The following CTNND2 variants were observed in gnomAD, a reference collection of about 807,000 sequenced individuals.
CTNND2 encodes the protein catenin delta-2.
Under a neutral mutation model 144.4 loss-of-function variants are expected in CTNND2, and 22 were observed. The ratio of observed to expected loss-of-function variants is 0.15; its 90% confidence interval spans 0.11 to 0.22. The LOEUF is 0.22. Ranked by LOEUF, CTNND2 falls within the 10% of genes least tolerant of loss-of-function variation. CTNND2 has a pLI of 1.00. For missense variants in CTNND2, 1,353 were observed against 1,618.8 expected (o/e 0.84, Z 2.82); for synonymous variants, 751 against 695.6 (o/e 1.08, Z -1.25).
intron 1 of CTNND2, among the ~76,000 whole-genome samples, chr5:11,750,499 T>G (rs1788550994): frequency 6.6e-6 from 1 of 151,908 alleles, no homozygotes; most frequent in Non-Finnish European, 1.5e-5. Flanking sequence ...ACTAATACAC[T>G]GTCCAGAGTG....
Position 11,801,502 on chromosome 5 carries a change from A to G in CTNND2, c.38-69230T>C, listed in dbSNP as rs148154731. On this transcript the variant is annotated intron_variant, in intron 1 of 21. Coordinates refer to ENST00000304623, the MANE Select transcript of CTNND2 (RefSeq NM_001332.4). ...CAACACTGGTTTCTTCTTACCTATG[A>G]TAATCCAACTATTATAGTTTCCATT... Among the ~76,000 whole-genome samples the G allele has an allele frequency of 1.0e-3, 155 of 152,326 alleles. 1 individual carries two copies. In the East Asian group the frequency reaches 0.028, roughly 28 times the overall value.
intron 2 of CTNND2, among the ~76,000 whole-genome samples, chr5:11,706,423 G>C (rs1012689914): frequency 2.0e-5 from 3 of 152,190 alleles, no homozygotes; most frequent in African/African-American, 7.2e-5. Context: ...TTTTTTGAAA[G>C]TCAAGTTTAT....
At chr5:11,423,140 T>C (rs1332706561) in intron 3 of CTNND2, among the ~76,000 whole-genome samples, 5 of 152,266 alleles carry the variant, frequency 3.3e-5, no homozygotes, top group African/African-American at 7.2e-5. Context: ...TGTTCACCAG[T>C]TGACCGATAG....
chr5:11,550,627 G>A (rs1019153577), intron 3 of CTNND2, among the ~76,000 whole-genome samples: 1 of 152,206 alleles, frequency 6.6e-6, no homozygotes, highest in African/African-American at 2.4e-5. Flanking sequence ...ACAAACAGAT[G>A]TGTGAGAAGA....
intron 16 of CTNND2, among the ~76,000 whole-genome samples, chr5:11,023,605 C>G (rs1178092305): frequency 6.6e-6 from 1 of 152,132 alleles, no homozygotes; most frequent in African/African-American, 2.4e-5. Context: ...ACTATGTGTC[C>G]TCTGAACTAT....
intron 18 of CTNND2, among the ~76,000 whole-genome samples, chr5:10,996,521 G>A (rs568716628): frequency 3.9e-5 from 6 of 152,182 alleles, no homozygotes; most frequent in Admixed American, 3.3e-4. Flanking sequence ...GAGGGGGCTC[G>A]GGGGGCTGTG....
chr5:11,554,467 A>G (rs922390982), intron 3 of CTNND2, among the ~76,000 whole-genome samples: 3 of 152,166 alleles, frequency 2.0e-5, no homozygotes, highest in Non-Finnish European at 4.4e-5. Flanking sequence ...AGATTCGGAA[A>G]TCAATGTCTA....
intron 3 of CTNND2, among the ~76,000 whole-genome samples, chr5:11,457,730 T>C (rs1765857879): frequency 6.6e-6 from 1 of 152,196 alleles, no homozygotes; most frequent in South Asian, 2.1e-4. Context: ...TTGTGTAGGA[T>C]CCAGCAGAGC....
intron 2 of CTNND2, among the ~76,000 whole-genome samples, chr5:11,634,207 G>A (rs77680518): frequency 1.3e-5 from 2 of 152,102 alleles, no homozygotes; most frequent in Admixed American, 6.5e-5. Context: ...TCTTTGTCTG[G>A]TTGTACATAA....
chr5:11,541,722 C>G (rs891153576), intron 3 of CTNND2, among the ~76,000 whole-genome samples: 2 of 152,058 alleles, frequency 1.3e-5, no homozygotes, highest in African/African-American at 4.8e-5. Flanking sequence ...CCACAATAAG[C>G]CTTTCTCAGA....
At chr5:11,228,353 CAAA>C (rs564048343) in intron 10 of CTNND2, among the ~76,000 whole-genome samples, 2 of 26,734 alleles carry the variant, frequency 7.5e-5, no homozygotes, top group African/African-American at 2.2e-4. Context: ...CTCTCTCTCT[CAAA>C]AAAAAAAAAA....
At chr5:11,121,000 A>C (rs1451800299) in intron 12 of CTNND2, among the ~76,000 whole-genome samples, 2 of 152,118 alleles carry the variant, frequency 1.3e-5, no homozygotes, top group Admixed American at 1.3e-4. Context: ...CACAAGTTCT[A>C]CTCTTTCAAC....
intron 16 of CTNND2, among the ~76,000 whole-genome samples, chr5:11,078,131 T>C (rs61750278): frequency 0.012 from 1,851 of 152,264 alleles, 38 homozygotes; most frequent in African/African-American, 0.043. Context: ...TGAAACCATA[T>C]GATGTCACCC....
chr5:10,973,126 A>G lies in CTNND2; in HGVS notation c.*327T>C, dbSNP rs577932934. The stretch of plus-strand genomic sequence containing the variant: ...TGTCTTGTGCTTAACGATAACCCTT[A>G]CGCCCCACCGGCCCGAATGCCTCGT... On this transcript the variant is annotated 3_prime_UTR_variant, in exon 22 of 22. Coordinates refer to ENST00000304623, the MANE Select transcript of CTNND2 (RefSeq NM_001332.4). The surrounding 1 kb of genome is among the most constrained non-coding windows in gnomAD (Gnocchi z 5.6). 1.8e-5 allele frequency: 4 copies of G among 224,176 alleles called. No individual in the cohort carries two copies. The South Asian group carries it at 5.2e-4, about 29-fold the overall frequency. The allele number at this position is 224,176 out of a possible 1,614,324, so 13.9% of individuals were successfully genotyped here.
At chr5:11,334,840 T>C (rs1291622875) in intron 9 of CTNND2, among the ~76,000 whole-genome samples, 1 of 152,194 alleles carries the variant, frequency 6.6e-6, no homozygotes, top group Non-Finnish European at 1.5e-5. Flanking sequence ...CCCTCCGGTA[T>C]GGAATTTTAA....
intron 9 of CTNND2, among the ~76,000 whole-genome samples, chr5:11,250,479 C>CTATA (rs1184987967): frequency 1.3e-4 from 8 of 63,626 alleles, no homozygotes; most frequent in African/African-American, 4.7e-4. Context: ...CTCTCTCTCT[C>CTATA]TCTCTCTCTC....
chr5:11,039,702 G>A (rs149763266), intron 16 of CTNND2, among the ~76,000 whole-genome samples: 2 of 152,124 alleles, frequency 1.3e-5, no homozygotes, highest in Non-Finnish European at 2.9e-5. Flanking sequence ...ATGGGCAGAG[G>A]ATAAGACAAA....
At chr5:11,387,837 TAA>T (rs1420908978) in intron 6 of CTNND2, among the ~76,000 whole-genome samples, 1 of 152,238 alleles carries the variant, frequency 6.6e-6, no homozygotes, top group African/African-American at 2.4e-5. Context: ...ATGAGAATAT[TAA>T]GTCGGTATTC....
intron 3 of CTNND2, among the ~76,000 whole-genome samples, chr5:11,504,620 A>G (rs1770842901): frequency 6.6e-6 from 1 of 152,262 alleles, no homozygotes; most frequent in Admixed American, 6.5e-5. Flanking sequence ...TTGGGCATGG[A>G]AAAGTCTTCC....
Sources: allele counts gnomAD v4.1 joint callset (sites outside exome capture counted in the v4.1 genomes callset), GRCh38; gene constraint gnomAD v4.1.1; non-coding constraint Gnocchi (gnomAD v3.1); transcripts MANE v1.5; gene names NCBI Gene and HGNC (gene_info 2026-07-23, HGNC 2026-07-21).